Variants in COL4A6 observed in about 807,000 individuals in gnomAD.
The protein encoded by COL4A6 is collagen alpha-6(IV) chain.
In COL4A6, 59 loss-of-function variants were observed where a neutral mutation model predicts 126.7. The observed-to-expected ratio is 0.47, with a 90% CI of 0.38 to 0.58. COL4A6 has a LOEUF of 0.58. COL4A6 is among the 20% of genes least tolerant of loss of function. COL4A6 has a pLI of 0.00. For synonymous variants in COL4A6, 547 were observed against 496.6 expected (o/e 1.10, Z -1.35); for missense variants, 1,285 against 1,337.3 (o/e 0.96, Z 0.61).
intron 2 of COL4A6, among the ~76,000 whole-genome samples, chrX:108,323,300 A>G (rs1480775536): frequency 8.9e-6 from 1 of 112,269 alleles, no homozygotes; most frequent in Admixed American, 9.5e-5. Flanking sequence ...CACTATGGAA[A>G]AAAGACAAAT....
intron 3 of COL4A6, among the ~76,000 whole-genome samples, chrX:108,273,996 G>T (rs2037531672): frequency 8.9e-6 from 1 of 112,115 alleles, no homozygotes; most frequent in Admixed American, 9.5e-5. Context: ...GAACTTAGCA[G>T]CTTAAAACAA....
Position 108,159,372 on chromosome X carries a change from A to G in COL4A6, c.4812+90T>C, listed in dbSNP as rs980064868. On this transcript the variant is annotated intron_variant, in intron 44 of 44. Coordinates refer to ENST00000334504, the MANE Select transcript of COL4A6 (RefSeq NM_033641.4). Reference sequence around the variant, plus strand: ...AGCATTTCTCTTCTTTTCAAACTCTATGCTTTCTACCTGGTGTCCCTTGAG... The same window carrying G: ...AGCATTTCTCTTCTTTTCAAACTCTGTGCTTTCTACCTGGTGTCCCTTGAG... The G allele has an allele frequency of 1.1e-5, 11 of 1,029,931 alleles. No homozygotes were observed. In the Admixed American group the frequency reaches 2.1e-4, roughly 20 times the overall value. 84.9% of individuals were successfully genotyped at this position (1,029,931 alleles called of 1,213,427 possible).
intron 2 of COL4A6, among the ~76,000 whole-genome samples, chrX:108,316,296 G>A (rs1309017630): frequency 1.8e-5 from 2 of 112,013 alleles, no homozygotes; most frequent in Non-Finnish European, 3.8e-5. Context: ...TTAGAGATGG[G>A]TGATAGTGGC....
At chrX:108,267,435 A>AG (rs1569393980) in intron 3 of COL4A6, among the ~76,000 whole-genome samples, 6 of 112,227 alleles carry the variant, frequency 5.3e-5, no homozygotes. Context: ...TCTGCCTACC[A>AG]CAAGCTCCAA....
chrX:108,426,046 A>G (rs1376411258), intron 2 of COL4A6, among the ~76,000 whole-genome samples: 1 of 111,337 alleles, frequency 9.0e-6, no homozygotes, highest in East Asian at 2.8e-4. Context: ...GCTAGACGGT[A>G]TTTATGCAAC....
chrX:108,323,762 C>A (rs1211904327), intron 2 of COL4A6, among the ~76,000 whole-genome samples: 1 of 112,290 alleles, frequency 8.9e-6, no homozygotes, highest in Non-Finnish European at 1.9e-5. Flanking sequence ...CCAACAATAG[C>A]ACTGCTAATG....
intron 2 of COL4A6, among the ~76,000 whole-genome samples, chrX:108,379,435 CTT>C (rs1163909665): frequency 7.8e-5 from 6 of 76,962 alleles, no homozygotes; most frequent in Non-Finnish European, 7.4e-5. Context: ...AATTAAAAAA[CTT>C]TTTTTTTTTT....
intron 3 of COL4A6, among the ~76,000 whole-genome samples, chrX:108,288,109 TTTAA>T (rs757707909): frequency 8.9e-6 from 1 of 112,445 alleles, no homozygotes; most frequent in Non-Finnish European, 1.9e-5. Context: ...GACTGTATTG[TTTAA>T]TTAACTGTTA....
intron 2 of COL4A6, among the ~76,000 whole-genome samples, chrX:108,412,136 T>C (rs2148242938): frequency 8.9e-6 from 1 of 111,781 alleles, no homozygotes; most frequent in South Asian, 3.8e-4. Flanking sequence ...GCATGAAATG[T>C]GTTCTGGGAC....
At chrX:108,189,157 T>A (rs1465750480) in intron 20 of COL4A6, among the ~76,000 whole-genome samples, 1 of 112,337 alleles carries the variant, frequency 8.9e-6, no homozygotes, top group Non-Finnish European at 1.9e-5. Flanking sequence ...CCATGCTTAT[T>A]GTCTGGAAAA....
At chrX:108,279,933 C>A (rs1212240968) in intron 3 of COL4A6, among the ~76,000 whole-genome samples, 1 of 111,050 alleles carries the variant, frequency 9.0e-6, no homozygotes, top group African/African-American at 3.3e-5. Flanking sequence ...TAAAGATGTT[C>A]TTTGAAACCA....
chrX:108,255,836 T>A lies in COL4A6; in HGVS notation c.145-34462A>T, dbSNP rs141108100. Among the ~76,000 whole-genome samples, 118 of 111,672 alleles carry A rather than the reference T, an allele frequency of 1.1e-3. 5 individuals are homozygous for A. The East Asian group carries it at 0.033, about 31-fold the overall frequency. On this transcript the variant is annotated intron_variant, in intron 3 of 44. Coordinates refer to ENST00000334504, the MANE Select transcript of COL4A6 (RefSeq NM_033641.4). Reference sequence around the variant, plus strand: ...ACAGAACATACAAAATTAAGTTGAATGATCAAGGCTTCATAGAAAATTAAG... The same window carrying A: ...ACAGAACATACAAAATTAAGTTGAAAGATCAAGGCTTCATAGAAAATTAAG...
At chrX:108,297,970 C>CCACA (rs755481604) in intron 3 of COL4A6, among the ~76,000 whole-genome samples, 2 of 105,400 alleles carry the variant, frequency 1.9e-5, no homozygotes, top group African/African-American at 3.4e-5. Flanking sequence ...AGTACACACA[C>CCACA]CACACACACA....
intron 44 of COL4A6, among the ~76,000 whole-genome samples, chrX:108,157,583 T>TA (rs934656535): frequency 1.8e-5 from 2 of 111,449 alleles, no homozygotes; most frequent in African/African-American, 6.5e-5. Flanking sequence ...AGAGGTGTGT[T>TA]AGGTACCCCC....
In COL4A6 at chrX:108,196,503, G is replaced by A. The variant is rs759864259; in HGVS notation, c.903+8C>T. On this transcript the variant is annotated splice_region_variant and intron_variant, in intron 14 of 44. Coordinates refer to ENST00000334504, the MANE Select transcript of COL4A6 (RefSeq NM_033641.4). The stretch of plus-strand genomic sequence containing the variant: ...CAGACCCAGGCAAGTAACATTCGAG[G>A]TTCATACCCTAGGTCCTGGCAAACC... 2.5e-6 allele frequency: 3 copies of A among 1,203,248 alleles called. No individual in the cohort carries two copies. The highest frequency in any genetic ancestry group is 5.9e-5 in the East Asian group (2 of 33,652).
At chrX:108,195,263 C>A in intron 14 of COL4A6, 137 bp from the exon 15 acceptor site, 1 of 403,309 alleles carries the variant, frequency 2.5e-6, no homozygotes, top group South Asian at 6.1e-5. Context: ...GTTCCTAGAC[C>A]TAGCTTAACG....
chrX:108,203,389 C>A, intron 12 of COL4A6, among the ~76,000 whole-genome samples: 1 of 112,198 alleles, frequency 8.9e-6, no homozygotes. Flanking sequence ...ACATAACCAT[C>A]TGATCTGTCA....
intron 42 of COL4A6, among the ~76,000 whole-genome samples, chrX:108,161,317 A>C (rs1241479575): frequency 1.8e-5 from 2 of 111,840 alleles, no homozygotes; most frequent in Non-Finnish European, 3.8e-5. Flanking sequence ...AAGGGGAGGT[A>C]AAGGGCAGGG....
At chrX:108,164,478 T>C (rs1035667703) in intron 40 of COL4A6, 122 bp downstream of exon 40, 7 of 650,241 alleles carry the variant, frequency 1.1e-5, no homozygotes, top group Non-Finnish European at 1.7e-5. Context: ...TGGGGTACCT[T>C]GATCCAGCTG....
Sources: allele counts gnomAD v4.1 joint callset (sites outside exome capture counted in the v4.1 genomes callset), GRCh38; gene constraint gnomAD v4.1.1; transcripts MANE v1.5; gene names NCBI Gene and HGNC (gene_info 2026-07-23, HGNC 2026-07-21).